PDE5A: variants seen among roughly 807,000 people sequenced by gnomAD.
The protein encoded by PDE5A is cGMP-specific 3',5'-cyclic phosphodiesterase.
In PDE5A, 67 loss-of-function variants were observed where a neutral mutation model predicts 110.2. The ratio of observed to expected loss-of-function variants is 0.61; its 90% confidence interval spans 0.50 to 0.75. PDE5A has a LOEUF of 0.75. Among genes scored for constraint, PDE5A ranks in the 30% least tolerant of loss-of-function variants. The pLI is 0.00. For missense variants in PDE5A, 862 were observed against 1,045.1 expected, an observed-to-expected ratio of 0.82 and a Z score of 2.42; for synonymous variants, 328 against 351.2, an observed-to-expected ratio of 0.93 and a Z score of 0.74.
intron 3 of PDE5A, among the ~76,000 whole-genome samples, chr4:119,573,402 T>C (rs980680029): frequency 1.3e-5 from 2 of 152,214 alleles, no homozygotes; most frequent in Non-Finnish European, 2.9e-5. Context: ...CATCTCATTG[T>C]TGCTTTAATT....
chr4:119,626,147 C>A (rs1484724371), intron 1 of PDE5A, among the ~76,000 whole-genome samples: 1 of 152,064 alleles, frequency 6.6e-6, no homozygotes, highest in Non-Finnish European at 1.5e-5. Context: ...AAAACTCTAA[C>A]CGAAAATTTT....
intron 20 of PDE5A, chr4:119,500,904 C>T: frequency 2.3e-6 from 1 of 431,224 alleles, no homozygotes; most frequent in South Asian, 3.3e-5. Context: ...AGTATTGCTC[C>T]TTGAGGGTAA....
chr4:119,619,042 C>A (rs1025692330), intron 1 of PDE5A, among the ~76,000 whole-genome samples: 4 of 152,086 alleles, frequency 2.6e-5, no homozygotes, highest in Non-Finnish European at 5.9e-5. Flanking sequence ...TTTCATTAGT[C>A]ATGTGAATTA....
chr4:119,503,615 A>C (rs1725451075), intron 18 of PDE5A, among the ~76,000 whole-genome samples: 1 of 152,158 alleles, frequency 6.6e-6, no homozygotes, highest in Non-Finnish European at 1.5e-5. Context: ...CAGAAGTATA[A>C]GTTATATTCC....
chr4:119,585,582 A>G (rs1256442879), intron 3 of PDE5A, among the ~76,000 whole-genome samples: 1 of 152,202 alleles, frequency 6.6e-6, no homozygotes. Context: ...GTTTTAAGGA[A>G]AGAGAAAAAT....
intron 11 of PDE5A, among the ~76,000 whole-genome samples, chr4:119,526,535 A>G (rs956408698): frequency 6.6e-6 from 1 of 152,144 alleles, no homozygotes; most frequent in Non-Finnish European, 1.5e-5. Flanking sequence ...TTTTAGCTAG[A>G]TCAGGCTATT....
At chr4:119,539,273 A>T (rs1233428459) in intron 10 of PDE5A, among the ~76,000 whole-genome samples, 1 of 152,160 alleles carries the variant, frequency 6.6e-6, no homozygotes, top group Admixed American at 6.6e-5. Flanking sequence ...CATTATTGCT[A>T]TAACAAACAC....
At chr4:119,540,682 T>C (rs1726895824) in intron 10 of PDE5A, among the ~76,000 whole-genome samples, 1 of 152,202 alleles carries the variant, frequency 6.6e-6, no homozygotes, top group African/African-American at 2.4e-5. Context: ...ATGTAAGCAT[T>C]AGAATACAAT....
At chr4:119,587,183 G>A (rs1011141281) in intron 3 of PDE5A, among the ~76,000 whole-genome samples, 1 of 149,956 alleles carries the variant, frequency 6.7e-6, no homozygotes, top group Non-Finnish European at 1.5e-5. Flanking sequence ...CTACAAGAAA[G>A]AATACTGTGG....
chr4:119,529,427 G>T (rs528533824), intron 11 of PDE5A, among the ~76,000 whole-genome samples: 2 of 152,228 alleles, frequency 1.3e-5, no homozygotes, highest in South Asian at 4.1e-4. Flanking sequence ...ACATTTCCTT[G>T]ACTCTCTTGC....
At chr4:119,593,540 T>C (rs928181854) in intron 3 of PDE5A, among the ~76,000 whole-genome samples, 2 of 152,110 alleles carry the variant, frequency 1.3e-5, no homozygotes, top group Non-Finnish European at 2.9e-5. Context: ...AAAACAATAG[T>C]GACAAAAAGC....
chr4:119,566,040 T>A (rs1292428255), intron 4 of PDE5A, among the ~76,000 whole-genome samples: 1 of 151,316 alleles, frequency 6.6e-6, no homozygotes, highest in Non-Finnish European at 1.5e-5. Flanking sequence ...TTATCCACAA[T>A]GTGATAGAGC....
intron 2 of PDE5A, among the ~76,000 whole-genome samples, chr4:119,606,413 T>C (rs968683989): frequency 6.6e-6 from 1 of 152,048 alleles, no homozygotes; most frequent in African/African-American, 2.4e-5. Flanking sequence ...GATAAAAAGA[T>C]GGGAGAATAT....
At chr4:119,518,482 C>T (rs1439647460) in intron 14 of PDE5A, among the ~76,000 whole-genome samples, 1 of 152,200 alleles carries the variant, frequency 6.6e-6, no homozygotes, top group East Asian at 1.9e-4. Flanking sequence ...GCATCTGCTT[C>T]TAATATTTAA....
intron 3 of PDE5A, among the ~76,000 whole-genome samples, chr4:119,579,365 T>C (rs1177411268): frequency 2.0e-5 from 3 of 152,242 alleles, no homozygotes; most frequent in African/African-American, 7.2e-5. Flanking sequence ...TTATAAATCA[T>C]GCTGCTGTAA....
chr4:119,627,436 AC>A lies in PDE5A; in HGVS notation c.152+1083del, dbSNP rs1730399243. 2 of 298,018 alleles carry A rather than the reference AC, an allele frequency of 6.7e-6. No individual in the cohort carries two copies. The highest frequency in any genetic ancestry group is 9.9e-6 in the Non-Finnish European group (2 of 201,318). 18.5% of individuals were successfully genotyped at this position (298,018 alleles called of 1,614,324 possible). A position where few individuals can be genotyped will look rare whatever the true frequency, so the allele number is the denominator to read the frequency against. ...GCGTCGAACCCGGGCGGGCTCCTCGACCATCACTGCCGGGCGTGTGTCACCC... is the reference window on the plus strand; with the variant it reads ...GCGTCGAACCCGGGCGGGCTCCTCGACATCACTGCCGGGCGTGTGTCACCC... On this transcript the variant is annotated intron_variant, in intron 1 of 20. Coordinates refer to ENST00000354960, the MANE Select transcript of PDE5A (RefSeq NM_001083.4). This position sits in a 1 kb window ranked among gnomAD's most constrained non-coding sequence, Gnocchi z 4.6.
chr4:119,528,641 C>T (rs532382339), intron 11 of PDE5A: 1 of 152,244 alleles, frequency 6.6e-6, no homozygotes, highest in South Asian at 2.1e-4. Context: ...AATCTCTCTG[C>T]CTGCTTTTTT....
intron 1 of PDE5A, among the ~76,000 whole-genome samples, chr4:119,626,702 T>C (rs1161422746): frequency 6.6e-6 from 1 of 151,178 alleles, no homozygotes; most frequent in African/African-American, 2.4e-5. Context: ...ATGGCCTTAG[T>C]GTCTCACGCT....
intron 3 of PDE5A, among the ~76,000 whole-genome samples, chr4:119,575,162 G>C (rs575430353): frequency 1.6e-3 from 240 of 152,290 alleles, no homozygotes; most frequent in African/African-American, 5.5e-3. Context: ...AACGAACAAA[G>C]CCTCCAAGAA....
Sources: allele counts gnomAD v4.1 joint callset (sites outside exome capture counted in the v4.1 genomes callset), GRCh38; gene constraint gnomAD v4.1.1; non-coding constraint Gnocchi (gnomAD v3.1); transcripts MANE v1.5; gene names NCBI Gene and HGNC (gene_info 2026-07-23, HGNC 2026-07-21).